The following SMOC2 variants were observed in gnomAD, a reference collection of about 807,000 sequenced individuals.
The protein encoded by SMOC2 is SPARC-related modular calcium-binding protein 2.
In SMOC2, 39 loss-of-function variants were observed where a neutral mutation model predicts 61.4. That is an observed-to-expected ratio of 0.64 (90% CI 0.49 to 0.83). The LOEUF (loss-of-function observed/expected upper bound fraction) is 0.83, where lower values mean the gene tolerates loss of function less well. SMOC2 is among the 40% of genes least tolerant of loss of function. The pLI is 0.00. For missense variants in SMOC2, 556 were observed against 592.9 expected, an observed-to-expected ratio of 0.94 and a Z score of 0.65; for synonymous variants, 247 against 239.9, an observed-to-expected ratio of 1.03 and a Z score of -0.27.
intron 11 of SMOC2, among the ~76,000 whole-genome samples, chr6:168,658,788 C>T (rs1355920550): frequency 6.6e-6 from 1 of 152,162 alleles, no homozygotes; most frequent in Non-Finnish European, 1.5e-5. Flanking sequence ...TTCTGTTCTC[C>T]TGGAGGCCCT....
intron 7 of SMOC2, among the ~76,000 whole-genome samples, chr6:168,564,189 T>C (rs1784490136): frequency 6.6e-6 from 1 of 152,180 alleles, no homozygotes; most frequent in Admixed American, 6.5e-5. Context: ...AGACTCCTTT[T>C]TGTATTCTAG....
At chr6:168,656,322 C>T (rs962530799) in intron 11 of SMOC2, among the ~76,000 whole-genome samples, 4 of 151,732 alleles carry the variant, frequency 2.6e-5, no homozygotes, top group African/African-American at 4.8e-5. Flanking sequence ...GTCAGCCTGG[C>T]CAGCATAGTG....
chr6:168,608,315 G>A, intron 9 of SMOC2, 76 bp downstream of exon 9: 2 of 1,444,100 alleles, frequency 1.4e-6, no homozygotes, highest in Non-Finnish European at 9.5e-7. Flanking sequence ...GAATGAAAAA[G>A]ACTTTATCTG....
At chr6:168,533,498 A>T (rs1783659601) in intron 4 of SMOC2, among the ~76,000 whole-genome samples, 1 of 152,208 alleles carries the variant, frequency 6.6e-6, no homozygotes, top group Admixed American at 6.5e-5. Flanking sequence ...TAAGGACCCT[A>T]CATAGCTGAG....
chr6:168,514,749 C>T (rs1783091472), intron 2 of SMOC2, among the ~76,000 whole-genome samples: 1 of 152,214 alleles, frequency 6.6e-6, no homozygotes, highest in Admixed American at 6.5e-5. Context: ...TTTCATCTTC[C>T]CTTTTCTTGC....
At chr6:168,616,771 C>T (rs1290754294) in intron 9 of SMOC2, among the ~76,000 whole-genome samples, 1 of 152,182 alleles carries the variant, frequency 6.6e-6, no homozygotes, top group African/African-American at 2.4e-5. Context: ...TAATTGCCAT[C>T]CCAGAGGCAT....
intron 9 of SMOC2, among the ~76,000 whole-genome samples, chr6:168,641,035 G>A (rs548563116): frequency 7.4e-5 from 11 of 149,240 alleles, no homozygotes; most frequent in South Asian, 2.1e-4. Flanking sequence ...TTCATTGTCC[G>A]TTGGAAATGT....
chr6:168,661,616 A>G (rs1787511339), intron 11 of SMOC2, among the ~76,000 whole-genome samples: 2 of 152,174 alleles, frequency 1.3e-5, no homozygotes, highest in Admixed American at 1.3e-4. Context: ...CCCCCCAAAA[A>G]AAAGAATATT....
chr6:168,568,808 C>T (rs1381359891), intron 7 of SMOC2, among the ~76,000 whole-genome samples: 3 of 152,190 alleles, frequency 2.0e-5, no homozygotes, highest in Non-Finnish European at 4.4e-5. Context: ...GCTTCCTTTG[C>T]TTACTAGTAT....
intron 1 of SMOC2, among the ~76,000 whole-genome samples, chr6:168,458,988 G>A (rs747856486): frequency 6.6e-6 from 1 of 152,202 alleles, no homozygotes; most frequent in Non-Finnish European, 1.5e-5. Context: ...GTGTGGAAAC[G>A]TGGTCATAAT....
chr6:168,657,356 G>C (rs1181205406), intron 11 of SMOC2, among the ~76,000 whole-genome samples: 4 of 152,244 alleles, frequency 2.6e-5, no homozygotes, highest in African/African-American at 9.6e-5. Context: ...GGGCAGTGCT[G>C]TTGGAAATCG....
intron 1 of SMOC2, among the ~76,000 whole-genome samples, chr6:168,496,590 C>G (rs185067672): frequency 1.2e-4 from 19 of 152,178 alleles, no homozygotes; most frequent in Admixed American, 7.9e-4. Flanking sequence ...AGTTCTGTCC[C>G]GAGAGGTCCT....
Position 168,607,558 on chromosome 6 carries a change from A to T in SMOC2, c.825-599A>T, listed in dbSNP as rs555415614. ...TTCAGGACTTAACCTGCAGTTTGTC[A>T]TTGATGCTAAGTGGGACCAGAGAGT... On this transcript the variant is annotated intron_variant, in intron 8 of 12. Transcript: ENST00000356284. 2.7e-5 allele frequency among the ~76,000 whole-genome samples: 4 copies of T among 150,172 alleles called. No individual in the cohort carries two copies. The East Asian group carries it at 5.9e-4, about 22-fold the overall frequency.
chr6:168,530,464 G>A lies in SMOC2; in HGVS notation c.463+2737G>A, dbSNP rs1408836881. Among the ~76,000 whole-genome samples the A allele has an allele frequency of 1.7e-4, 26 of 151,972 alleles. 1 individual carries two copies. The highest frequency in any genetic ancestry group is 1.6e-3 in the Admixed American group (24 of 15,262). On this transcript the variant is annotated intron_variant, in intron 4 of 12. Transcript: ENST00000356284. Reference sequence around the variant, plus strand: ...CAGCAGAAAAACGGCCAAAAGTCTCGAGCAGGCAGCATTTTATTTATAAAG... The same window carrying A: ...CAGCAGAAAAACGGCCAAAAGTCTCAAGCAGGCAGCATTTTATTTATAAAG...
chr6:168,648,538 C>T (rs966862946), intron 9 of SMOC2, among the ~76,000 whole-genome samples: 5 of 152,374 alleles, frequency 3.3e-5, no homozygotes, highest in Admixed American at 3.3e-4. Flanking sequence ...TTTGGAAGCA[C>T]CGCGGCCAGC....
chr6:168,651,399 C>G (rs762945210), intron 10 of SMOC2, among the ~76,000 whole-genome samples: 11 of 152,132 alleles, frequency 7.2e-5, no homozygotes, highest in African/African-American at 2.4e-4. Flanking sequence ...TCCAACACTC[C>G]TCTTTTCCAC....
chr6:168,591,347 T>C (rs1373235166), intron 7 of SMOC2, among the ~76,000 whole-genome samples: 1 of 152,170 alleles, frequency 6.6e-6, no homozygotes, highest in Non-Finnish European at 1.5e-5. Context: ...AACCACCAAA[T>C]AGAACTACCT....
At chr6:168,562,825 G>A (rs927833533) in intron 7 of SMOC2, among the ~76,000 whole-genome samples, 41 of 152,120 alleles carry the variant, frequency 2.7e-4, no homozygotes, top group Admixed American at 2.1e-3. Context: ...CGGTGATCAC[G>A]CAGGGATCTG....
chr6:168,599,518 A>ACC (rs1785458672), intron 8 of SMOC2, among the ~76,000 whole-genome samples: 1 of 85,234 alleles, frequency 1.2e-5, no homozygotes, highest in African/African-American at 5.0e-5. Context: ...TCACACACAC[A>ACC]CTCATACCCC....
Sources: allele counts gnomAD v4.1 joint callset (sites outside exome capture counted in the v4.1 genomes callset), GRCh38; gene constraint gnomAD v4.1.1; transcripts MANE v1.5; gene names NCBI Gene and HGNC (gene_info 2026-07-23, HGNC 2026-07-21).